The following JCAD variants were observed in gnomAD, a reference collection of about 807,000 sequenced individuals.
JCAD encodes the protein junctional cadherin 5-associated protein.
Under a neutral mutation model 98.0 loss-of-function variants are expected in JCAD, and 40 were observed. That is an observed-to-expected ratio of 0.41 (90% CI 0.32 to 0.53). The LOEUF is 0.53. Among genes scored for constraint, JCAD ranks in the 20% least tolerant of loss-of-function variants. The pLI, the probability that JCAD is intolerant of heterozygous loss-of-function variation, is 0.31. For missense variants in JCAD, 1,705 were observed against 1,738.1 expected, an observed-to-expected ratio of 0.98 and a Z score of 0.34; for synonymous variants, 691 against 682.3, an observed-to-expected ratio of 1.01 and a Z score of -0.20.
At chr10:30,089,297 C>G (rs1476192511) in intron 1 of JCAD, among the ~76,000 whole-genome samples, 2 of 152,138 alleles carry the variant, frequency 1.3e-5, no homozygotes, top group African/African-American at 4.8e-5. Context: ...GCGAGTGCAA[C>G]GTGGCACCAC....
intron 1 of JCAD, among the ~76,000 whole-genome samples, chr10:30,076,570 T>C (rs998943981): frequency 3.3e-5 from 5 of 152,176 alleles, no homozygotes; most frequent in African/African-American, 1.2e-4. Flanking sequence ...CAGCTAGATA[T>C]AGAAACAAGC....
At chr10:30,049,326 G>T (rs1220981129) in intron 1 of JCAD, among the ~76,000 whole-genome samples, 3 of 152,188 alleles carry the variant, frequency 2.0e-5, no homozygotes, top group Non-Finnish European at 4.4e-5. Context: ...GCGAACAATG[G>T]CCAGGAAACG....
chr10:30,046,852 G>T (rs1409656420), intron 2 of JCAD, among the ~76,000 whole-genome samples: 1 of 152,174 alleles, frequency 6.6e-6, no homozygotes, highest in Non-Finnish European at 1.5e-5. Context: ...AGTGCTCTGG[G>T]AGGCTGAGGT....
intron 3 of JCAD, among the ~76,000 whole-genome samples, chr10:30,021,136 A>T (rs1434345175): frequency 1.0e-5 from 1 of 98,558 alleles, no homozygotes; most frequent in Non-Finnish European, 1.9e-5. Flanking sequence ...TGCTGCCCAC[A>T]GTCCCCTGGC....
intron 1 of JCAD, among the ~76,000 whole-genome samples, chr10:30,106,057 A>T (rs1457227247): frequency 6.6e-6 from 1 of 151,986 alleles, no homozygotes; most frequent in Non-Finnish European, 1.5e-5. Context: ...CCCAACCAAT[A>T]TTTGTTCCTT....
Position 30,027,303 on chromosome 10 carries a change from C to T in JCAD, c.2845G>A (p.Asp949Asn), listed in dbSNP as rs759518095. 1 of 1,614,090 alleles carries T rather than the reference C, an allele frequency of 6.2e-7. No individual in the cohort carries two copies. The change falls in exon 3 of 4, where the codon GAT becomes AAT. Residue 949 changes from aspartate (D) to asparagine (N), a missense_variant. By Grantham distance (23) the Asp-to-Asn change is conservative. Transcript: ENST00000375377. Reference protein sequence around the residue: ...EGGGAPFCSADGSTSAEKRHL... With the variant: ...EGGGAPFCSANGSTSAEKRHL... ...CTCTTCTCTGCACTCGTGCTTCCAT[C>T]TGCTGAGCAGAAAGGTGCACCGCCA...
Position 30,111,086 on chromosome 10 carries a change from A to G in JCAD, n.128+4281T>C, listed in dbSNP as rs114782465. ...GGTGAACATGCTGATGTATGCCTCT[A>G]CCCCCGACCTGATATATGGACTGGT... is the stretch of plus-strand genomic sequence containing the variant. On this transcript the variant is annotated intron_variant and non_coding_transcript_variant, in intron 1 of 2. Coordinates refer to the JCAD transcript ENST00000465712. Among the ~76,000 whole-genome samples, 491 of 151,078 alleles carry G rather than the reference A, an allele frequency of 3.2e-3. 4 individuals carry two copies. The highest frequency in any genetic ancestry group is 0.011 in the African/African-American group (470 of 41,044).
intron 1 of JCAD, among the ~76,000 whole-genome samples, chr10:30,102,924 C>T (rs1838496184): frequency 6.6e-6 from 1 of 152,146 alleles, no homozygotes; most frequent in Non-Finnish European, 1.5e-5. Context: ...ACCATCAGAC[C>T]TCATGAGACT....
At position 30,026,775 on chromosome 10, in the gene JCAD, G is replaced by T; in HGVS notation, c.3373C>A (p.Gln1125Lys). ...GCTGGGCGAGATAGCAACTCTTCCT[G>T]GGGGGACTCTGGGGTGCAGGCACTT... ...DASACTPESP[Q>K]EELLSRPAPA... is the part of the protein sequence containing the mutation. Residue 1125 changes from glutamine (Q) to lysine (K), a missense_variant, in exon 3 of 4, where the codon CAG (glutamine) becomes AAG (lysine). Coordinates refer to ENST00000375377, the MANE Select transcript of JCAD (RefSeq NM_020848.4). 1 of 1,614,098 alleles carries T rather than the reference G, an allele frequency of 6.2e-7. No homozygotes were observed. The highest frequency in any genetic ancestry group is 8.5e-7 in the Non-Finnish European group (1 of 1,180,038).
chr10:30,076,029 C>T (rs1589707399), intron 1 of JCAD, among the ~76,000 whole-genome samples: 2 of 145,640 alleles, frequency 1.4e-5, no homozygotes, highest in African/African-American at 5.0e-5. Flanking sequence ...CAAACAGGGA[C>T]TTTTTTTTTT....
intron 1 of JCAD, among the ~76,000 whole-genome samples, chr10:30,085,377 A>G (rs1371000038): frequency 6.6e-6 from 1 of 152,182 alleles, no homozygotes; most frequent in Non-Finnish European, 1.5e-5. Flanking sequence ...TTCTAGCTCA[A>G]AAATTCTGTA....
chr10:30,027,818 G>A lies in JCAD; in HGVS notation c.2330C>T (p.Pro777Leu). ...GCAGGGCTGACTTCGGCCTGCTTTT[G>A]GCGTCGGTGCCTGGTCCACGGACAA... ...TSLSVDQAPTPKAGRSQPCVD... is the reference protein window; with the variant it reads ...TSLSVDQAPTLKAGRSQPCVD... The change falls in exon 3 of 4, where the codon CCA (proline) becomes CTA (leucine). Residue 777 changes from proline to leucine, a missense_variant. This residue lies in a region of JCAD where 1,278 missense variants were observed against 1,243.1 expected (regional missense o/e 1.03). Transcript: ENST00000375377. 10 of 1,614,276 alleles carry A rather than the reference G, an allele frequency of 6.2e-6. No homozygotes were observed. Among genetic ancestry groups the A allele is most frequent in the Non-Finnish European group, 8.5e-6 (10 of 1,180,052 alleles).
intron 2 of JCAD, among the ~76,000 whole-genome samples, chr10:30,035,117 G>A (rs887618582): frequency 6.6e-6 from 1 of 152,150 alleles, no homozygotes; most frequent in Non-Finnish European, 1.5e-5. Context: ...TGCTACTTGT[G>A]CAAGTACACG....
chr10:30,083,755 C>T (rs370798890), intron 1 of JCAD, among the ~76,000 whole-genome samples: 28 of 152,096 alleles, frequency 1.8e-4, no homozygotes, highest in African/African-American at 5.3e-4. Flanking sequence ...TGGCTGGGCG[C>T]GATACTCATG....
Position 30,029,536 on chromosome 10 carries a change from C to T in JCAD, c.612G>A (p.Gly204=), listed in dbSNP as rs372868267. Reference sequence around the variant, plus strand: ...GGTACAGGTCTTGAAACAGTCTCTCCCCATCTCCATCAGACATCTGCCTCC... The same window carrying T: ...GGTACAGGTCTTGAAACAGTCTCTCTCCATCTCCATCAGACATCTGCCTCC... The part of the protein sequence containing the change: ...KLGRQMSDGD[G]ERLFQDLYPF... Residue 204 remains glycine (G), a synonymous_variant, in exon 3 of 4, where the codon GGG becomes GGA. Transcript: ENST00000375377. 2.5e-6 allele frequency: 4 copies of T among 1,614,060 alleles called. No individual in the cohort carries two copies. The African/African-American group carries it at 4.0e-5, about 16-fold the overall frequency.
chr10:30,055,554 G>T (rs1285455848), intron 1 of JCAD, among the ~76,000 whole-genome samples: 2 of 152,204 alleles, frequency 1.3e-5, no homozygotes, highest in Admixed American at 6.5e-5. Context: ...AACAGTCCCA[G>T]TTGAAGTCCT....
Position 30,047,584 on chromosome 10 carries a change from TC to T in JCAD, c.228del (p.Arg77GlufsTer73). The stretch of plus-strand genomic sequence containing the variant: ...GTGCTCTGGGGCTCCCCGTGGCCTC[TC>T]GGTGTGCTGCGGCGGCTTTCGGAGT... ...VSDSESRRST[P>X]RGHGEPQSTS... On this transcript the variant is annotated frameshift_variant, in exon 2 of 4. Coordinates refer to ENST00000375377, the MANE Select transcript of JCAD (RefSeq NM_020848.4). LOFTEE classifies it high-confidence loss of function. The T allele has an allele frequency of 6.2e-7, 1 of 1,614,176 alleles. No individual in the cohort carries two copies. The highest frequency in any genetic ancestry group is 8.5e-7 in the Non-Finnish European group (1 of 1,180,004).
At chr10:30,084,781 GTATCTATCTATCTATCTATCTATC>G (rs61201965) in intron 1 of JCAD, among the ~76,000 whole-genome samples, 1 of 146,760 alleles carries the variant, frequency 6.8e-6, no homozygotes, top group Admixed American at 6.9e-5. Context: ...AATCAAATCT[GTATCTATCTATCTATCTATCTATC>G]TATCTATCTA....
chr10:30,095,931 T>C (rs1324863633), intron 1 of JCAD, among the ~76,000 whole-genome samples: 3 of 152,238 alleles, frequency 2.0e-5, no homozygotes, highest in Admixed American at 6.5e-5. Flanking sequence ...TTTGTGTGTT[T>C]CTATTTGCTC....
Sources: allele counts gnomAD v4.1 joint callset (sites outside exome capture counted in the v4.1 genomes callset), GRCh38; gene constraint gnomAD v4.1.1; regional missense constraint gnomAD v4.1.1; transcripts MANE v1.5; gene names NCBI Gene and HGNC (gene_info 2026-07-23, HGNC 2026-07-21).